GABRG3: variants seen among roughly 807,000 people sequenced by gnomAD.
GABRG3 encodes gamma-aminobutyric acid receptor subunit gamma-3.
A neutral mutation model predicts 48.8 loss-of-function variants in GABRG3; 25 were observed. The observed-to-expected ratio is 0.51, with a 90% CI of 0.37 to 0.72. The LOEUF (loss-of-function observed/expected upper bound fraction) is 0.72, where lower values mean the gene tolerates loss of function less well. GABRG3 is among the 30% of genes least tolerant of loss of function. The pLI, the probability that GABRG3 is intolerant of heterozygous loss-of-function variation, is 0.00. For synonymous variants in GABRG3, 227 were observed against 217.6 expected (o/e 1.04, Z -0.38); for missense variants, 394 against 577.9 (o/e 0.68, Z 3.26).
intron 5 of GABRG3, among the ~76,000 whole-genome samples, chr15:27,370,611 C>T (rs1895377750): frequency 6.6e-6 from 1 of 152,192 alleles, no homozygotes; most frequent in African/African-American, 2.4e-5. Flanking sequence ...GAGACCACCT[C>T]AGAGGAGGAG....
At chr15:27,365,769 A>G (rs773167734) in intron 5 of GABRG3, 2 of 152,218 alleles carry the variant, frequency 1.3e-5, no homozygotes, top group Non-Finnish European at 2.9e-5. Context: ...ATTAAAAAAT[A>G]AAGAACCAGA....
intron 5 of GABRG3, among the ~76,000 whole-genome samples, chr15:27,446,605 G>T (rs2140637678): frequency 6.6e-6 from 1 of 152,080 alleles, no homozygotes; most frequent in African/African-American, 2.4e-5. Flanking sequence ...TACTTATTTT[G>T]TTTAATTAAT....
rs924286301 is a variant in GABRG3, at chr15:27,301,243, A to G, written c.271-25566A>G. On this transcript the variant is annotated intron_variant, in intron 3 of 9. Transcript: ENST00000615808. ...TTATAGTTGAAAACTCCCAGACTAT[A>G]TATAATTTAGTTTTGCTTTATTTTG... 5.1e-4 allele frequency among the ~76,000 whole-genome samples: 78 copies of G among 152,284 alleles called. 2 individuals are homozygous for G. Among genetic ancestry groups the G allele is most frequent in the African/African-American group, 1.6e-3 (65 of 41,562 alleles).
intron 6 of GABRG3, among the ~76,000 whole-genome samples, chr15:27,513,559 A>G (rs997347056): frequency 1.3e-5 from 2 of 152,232 alleles, no homozygotes; most frequent in Admixed American, 6.5e-5. Context: ...AATACCGAGG[A>G]ATGCACTCAG....
chr15:27,383,401 A>G (rs1010583119), intron 5 of GABRG3, among the ~76,000 whole-genome samples: 1 of 152,212 alleles, frequency 6.6e-6, no homozygotes, highest in African/African-American at 2.4e-5. Context: ...TATGCCCCAT[A>G]GAAACTAGGA....
intron 5 of GABRG3, among the ~76,000 whole-genome samples, chr15:27,455,659 G>C (rs886226689): frequency 1.4e-5 from 2 of 147,306 alleles, no homozygotes; most frequent in African/African-American, 5.1e-5. Flanking sequence ...TGTGTGATGT[G>C]TGTGTGTATG....
intron 3 of GABRG3, among the ~76,000 whole-genome samples, chr15:27,231,886 C>T (rs1275183333): frequency 1.3e-5 from 2 of 152,088 alleles, no homozygotes; most frequent in Non-Finnish European, 2.9e-5. Context: ...ATTTTTTCTA[C>T]TTCATTGTCT....
chr15:27,357,094 A>G (rs960441770), intron 5 of GABRG3, among the ~76,000 whole-genome samples: 1 of 152,194 alleles, frequency 6.6e-6, no homozygotes. Context: ...AGGGGACTGC[A>G]TTGGGCTGCA....
At chr15:26,973,218 A>T (rs1460312199) in intron 1 of GABRG3, among the ~76,000 whole-genome samples, 1 of 152,152 alleles carries the variant, frequency 6.6e-6, no homozygotes, top group African/African-American at 2.4e-5. Flanking sequence ...TAGTAGGAAG[A>T]TACCTCAGCC....
At chr15:27,364,846 G>C (rs1895137868) in intron 5 of GABRG3, 1 of 152,246 alleles carries the variant, frequency 6.6e-6, no homozygotes, top group Non-Finnish European at 1.5e-5. Context: ...TGCTACACAA[G>C]AAAGGGTATC....
chr15:27,227,374 G>A (rs1373671194), intron 3 of GABRG3, among the ~76,000 whole-genome samples: 1 of 151,630 alleles, frequency 6.6e-6, no homozygotes, highest in Non-Finnish European at 1.5e-5. Flanking sequence ...GTGTGCACCT[G>A]TAGTCCTTTG....
chr15:27,365,675 A>G (rs1448810161), intron 5 of GABRG3: 1 of 152,250 alleles, frequency 6.6e-6, no homozygotes, highest in African/African-American at 2.4e-5. Flanking sequence ...CAGTTTCCCC[A>G]CTACCATTAT....
At chr15:27,392,377 G>T (rs1286722434) in intron 5 of GABRG3, among the ~76,000 whole-genome samples, 1 of 152,038 alleles carries the variant, frequency 6.6e-6, no homozygotes, top group African/African-American at 2.4e-5. Flanking sequence ...GGGGATGACT[G>T]GTCACATATT....
At position 27,438,684 on chromosome 15, in the gene GABRG3, C is replaced by T. The variant is rs186634145; in HGVS notation, c.575-41966C>T. ...CTTCTGCCTTGGAGATCTCTTTTAC[C>T]GCCTGATGCACACTTCCAGAAGATG... is the stretch of plus-strand genomic sequence containing the variant. On this transcript the variant is annotated intron_variant, in intron 5 of 9. Transcript: ENST00000615808. 1.2e-4 allele frequency among the ~76,000 whole-genome samples: 18 copies of T among 152,302 alleles called. 1 individual carries two copies. In the East Asian group the frequency reaches 2.5e-3, roughly 21 times the overall value.
chr15:27,467,198 G>T (rs1204366675), intron 5 of GABRG3, among the ~76,000 whole-genome samples: 1 of 152,120 alleles, frequency 6.6e-6, no homozygotes, highest in African/African-American at 2.4e-5. Context: ...GTCCTCACAC[G>T]GAGGGAGAAA....
rs539218621 is a variant in GABRG3 at position 27,410,531 on chromosome 15, T to G, written c.575-70119T>G. Among the ~76,000 whole-genome samples the G allele has an allele frequency of 2.6e-5, 4 of 152,298 alleles. No homozygotes were observed. The East Asian group carries it at 7.7e-4, about 29-fold the overall frequency. ...CCTTCTTTTCCAGAAGGTTTAAAAA[T>G]TATATATTTAATTTGTGTAATAGAG... On this transcript the variant is annotated intron_variant, in intron 5 of 9. Coordinates refer to ENST00000615808, the MANE Select transcript of GABRG3 (RefSeq NM_033223.5).
At chr15:27,380,001 CTTCTGGTA>C (rs1895717797) in intron 5 of GABRG3, among the ~76,000 whole-genome samples, 2 of 145,568 alleles carry the variant, frequency 1.4e-5, no homozygotes, top group African/African-American at 5.1e-5. Flanking sequence ...TTTTTTTTTA[CTTCTGGTA>C]TTCCCATTTG....
intron 5 of GABRG3, among the ~76,000 whole-genome samples, chr15:27,443,224 G>A (rs1384652096): frequency 1.3e-5 from 2 of 152,168 alleles, no homozygotes; most frequent in South Asian, 2.1e-4. Flanking sequence ...GGAGGAAGAC[G>A]ACCATCTTCA....
chr15:27,486,721 G>A (rs1890229477), intron 6 of GABRG3, among the ~76,000 whole-genome samples: 1 of 151,958 alleles, frequency 6.6e-6, no homozygotes, highest in Non-Finnish European at 1.5e-5. Context: ...CCTTTATATG[G>A]GTATTGTGAA....
Sources: gnomAD v4.1 joint callset for allele counts (sites outside exome capture counted in the v4.1 genomes callset) on GRCh38, gnomAD v4.1.1 for gene constraint, MANE v1.5 for transcripts, NCBI Gene and HGNC (gene_info 2026-07-23, HGNC 2026-07-21) for gene names.